Variants in DIS3L2 observed in about 807,000 individuals in gnomAD.
The protein encoded by DIS3L2 is DIS3 like 3'-5' exoribonuclease 2.
A neutral mutation model predicts 97.5 loss-of-function variants in DIS3L2; 34 were observed. That is an observed-to-expected ratio of 0.35 (90% CI 0.27 to 0.46). The LOEUF (loss-of-function observed/expected upper bound fraction) is 0.46, where lower values mean the gene tolerates loss of function less well. Ranked by LOEUF, DIS3L2 falls within the 20% of genes least tolerant of loss-of-function variation. The probability of loss-of-function intolerance (pLI) is 1.00; values close to 1 mark genes in which losing one functional copy is unlikely to be tolerated. For missense variants in DIS3L2, 1,038 were observed against 1,146.0 expected (o/e 0.91, Z 1.36); for synonymous variants, 435 against 445.2 (o/e 0.98, Z 0.29).
chr2:231,977,867 T>C (rs569276394), intron 1 of DIS3L2, among the ~76,000 whole-genome samples: 1 of 152,228 alleles, frequency 6.6e-6, no homozygotes, highest in Non-Finnish European at 1.5e-5. Flanking sequence ...GTGTTACACA[T>C]GTTTTTTGTT....
intron 11 of DIS3L2, among the ~76,000 whole-genome samples, 180 bp from the exon 12 acceptor site, chr2:232,249,059 C>T (rs191385667): frequency 6.6e-6 from 1 of 152,336 alleles, no homozygotes; most frequent in African/African-American, 2.4e-5. Flanking sequence ...CTATTTGACT[C>T]TAGAGGCGCA....
chr2:232,024,509 T>A (rs1694606037), intron 4 of DIS3L2, among the ~76,000 whole-genome samples, 179 bp downstream of exon 4: 1 of 152,176 alleles, frequency 6.6e-6, no homozygotes, highest in Non-Finnish European at 1.5e-5. Context: ...ACCCCTTCTG[T>A]CAGTCTTAAA....
intron 13 of DIS3L2, among the ~76,000 whole-genome samples, chr2:232,296,646 G>A (rs974917918): frequency 6.6e-6 from 1 of 152,146 alleles, no homozygotes; most frequent in Admixed American, 6.5e-5. Context: ...CTCTCGCCAC[G>A]TAAGACTTGC....
At chr2:232,141,162 A>G (rs139725793) in intron 8 of DIS3L2, among the ~76,000 whole-genome samples, 1 of 152,040 alleles carries the variant, frequency 6.6e-6, no homozygotes, top group Admixed American at 6.6e-5. Context: ...ATTCATGCCT[A>G]TATTTTCTCA....
intron 6 of DIS3L2, among the ~76,000 whole-genome samples, chr2:232,099,537 G>A (rs753243404): frequency 9.2e-5 from 14 of 152,118 alleles, no homozygotes; most frequent in Non-Finnish European, 1.8e-4. Flanking sequence ...TATGTGTCAT[G>A]TTAAAATGGA....
chr2:232,144,031 A>G (rs894773583), intron 8 of DIS3L2, among the ~76,000 whole-genome samples: 2 of 152,094 alleles, frequency 1.3e-5, no homozygotes, highest in African/African-American at 2.4e-5. Context: ...ATATACTCAC[A>G]TATTTCACTC....
intron 11 of DIS3L2, among the ~76,000 whole-genome samples, chr2:232,241,266 G>T (rs778101365): frequency 1.3e-5 from 2 of 152,180 alleles, no homozygotes; most frequent in African/African-American, 4.8e-5. Context: ...CTGTGTTTCC[G>T]CCCTCCAGAT....
chr2:232,090,112 T>A (rs898684677), intron 6 of DIS3L2, among the ~76,000 whole-genome samples: 1 of 152,020 alleles, frequency 6.6e-6, no homozygotes, highest in Non-Finnish European at 1.5e-5. Context: ...TTGTTGTTGT[T>A]GTTGTTTTTT....
chr2:232,324,710 C>G (rs992042039), intron 14 of DIS3L2, among the ~76,000 whole-genome samples: 2 of 152,096 alleles, frequency 1.3e-5, no homozygotes, highest in African/African-American at 4.8e-5. Context: ...GTTTTTTGCC[C>G]AAGTCCTAGA....
At chr2:232,038,774 C>G (rs1695024439) in intron 5 of DIS3L2, among the ~76,000 whole-genome samples, 1 of 152,124 alleles carries the variant, frequency 6.6e-6, no homozygotes, top group Non-Finnish European at 1.5e-5. Context: ...TTGTTGAGGT[C>G]TGGAGGAAAG....
At position 232,029,989 on chromosome 2, in the gene DIS3L2, G is replaced by A. The variant is rs1024112188; in HGVS notation, c.275G>A (p.Arg92Gln). ...CTTTTTCCAACCTAGGATGGTGATC[G>A]AGACATTTTTATTGATGGGGTTGTT... ...EAFIPSPDGD[R>Q]DIFIDGVVAR... Residue 92 changes from arginine (R) to glutamine (Q), a missense_variant, in exon 5 of 21, where the codon CGA (arginine) becomes CAA (glutamine). Coordinates refer to ENST00000325385, the MANE Select transcript of DIS3L2 (RefSeq NM_152383.5). 4 of 1,599,920 alleles carry A rather than the reference G, an allele frequency of 2.5e-6. No homozygotes were observed. Among genetic ancestry groups the A allele is most frequent in the Non-Finnish European group, 3.4e-6 (4 of 1,175,078 alleles).
chr2:231,961,947 G>T (rs1286440064), intron 1 of DIS3L2, among the ~76,000 whole-genome samples, 182 bp downstream of exon 1: 1 of 152,194 alleles, frequency 6.6e-6, no homozygotes, highest in Non-Finnish European at 1.5e-5. Flanking sequence ...TCCCTGTCCC[G>T]CATCTCCCTC....
chr2:231,985,099 C>T lies in DIS3L2; in HGVS notation c.-94+23334C>T, dbSNP rs960614853. On this transcript the variant is annotated intron_variant, in intron 1 of 20. Coordinates refer to ENST00000325385, the MANE Select transcript of DIS3L2 (RefSeq NM_152383.5). ...ACCATTTTCACTTGTACTCCGTATT[C>T]AGATTTTACCAGTTTTGCTTTTACT... is the stretch of plus-strand genomic sequence containing the variant. Among the ~76,000 whole-genome samples the T allele has an allele frequency of 6.2e-4, 95 of 152,268 alleles. 2 individuals are homozygous for T. The highest frequency in any genetic ancestry group is 3.4e-3 in the Middle Eastern group (1 of 294).
At chr2:231,964,235 G>A (rs777254289) in intron 1 of DIS3L2, among the ~76,000 whole-genome samples, 1 of 152,140 alleles carries the variant, frequency 6.6e-6, no homozygotes, top group Non-Finnish European at 1.5e-5. Context: ...TTCTATAGGT[G>A]TGAGACTCAT....
At chr2:232,188,004 G>A (rs866835688) in intron 9 of DIS3L2, among the ~76,000 whole-genome samples, 2 of 152,144 alleles carry the variant, frequency 1.3e-5, no homozygotes, top group South Asian at 2.1e-4. Context: ...CCTGGGTCTG[G>A]TGGTGTGCGC....
intron 12 of DIS3L2, among the ~76,000 whole-genome samples, chr2:232,261,270 G>C (rs1693704857): frequency 6.6e-6 from 1 of 152,020 alleles, no homozygotes; most frequent in Non-Finnish European, 1.5e-5. Flanking sequence ...GCCTCCATTT[G>C]GCCCAAGATC....
chr2:232,006,792 T>A (rs574415495), intron 1 of DIS3L2, among the ~76,000 whole-genome samples: 3 of 152,328 alleles, frequency 2.0e-5, no homozygotes, highest in African/African-American at 7.2e-5. Context: ...ACAAGACTGT[T>A]GTGTTCTGGA....
At chr2:232,216,269 T>C (rs1010382277) in intron 10 of DIS3L2, among the ~76,000 whole-genome samples, 15 of 152,352 alleles carry the variant, frequency 9.8e-5, no homozygotes, top group African/African-American at 2.6e-4. Context: ...CTTGGCTCTT[T>C]AGTCTGCTAT....
chr2:232,336,808 GCT>G lies in DIS3L2; in HGVS notation c.*179_*180del. The stretch of plus-strand genomic sequence containing the variant: ...AACAAACTGCAGGGGAGAGGGTGGG[GCT>G]GGAAGGAAGGCTGAGGCCTGGTCAG... On this transcript the variant is annotated 3_prime_UTR_variant, in exon 21 of 21. Transcript: ENST00000325385. 7.0e-7 allele frequency: 1 copy of G among 1,428,962 alleles called. No homozygotes were observed. The highest frequency in any genetic ancestry group is 9.1e-7 in the Non-Finnish European group (1 of 1,098,098). The allele number at this position is 1,428,962 out of a possible 1,614,324, so 88.5% of individuals were successfully genotyped here. A position where few individuals can be genotyped will look rare whatever the true frequency, so the allele number is the denominator to read the frequency against.
Sources: gnomAD v4.1 joint callset for allele counts (sites outside exome capture counted in the v4.1 genomes callset) on GRCh38, gnomAD v4.1.1 for gene constraint, MANE v1.5 for transcripts, NCBI Gene and HGNC (gene_info 2026-07-23, HGNC 2026-07-21) for gene names.